Variants in CNTNAP2 observed in about 807,000 individuals in gnomAD.
CNTNAP2 encodes contactin associated protein 2.
A neutral mutation model predicts 155.2 loss-of-function variants in CNTNAP2; 98 were observed. The ratio of observed to expected loss-of-function variants is 0.63; its 90% confidence interval spans 0.54 to 0.75. CNTNAP2 has a LOEUF of 0.75. Among genes scored for constraint, CNTNAP2 ranks in the 30% least tolerant of loss-of-function variants. The probability of loss-of-function intolerance (pLI) is 0.00; values close to 1 mark genes in which losing one functional copy is unlikely to be tolerated. For missense variants in CNTNAP2, 1,727 were observed against 1,688.1 expected, an observed-to-expected ratio of 1.02 and a Z score of -0.40; for synonymous variants, 651 against 631.2, an observed-to-expected ratio of 1.03 and a Z score of -0.47.
At chr7:147,932,739 G>T (rs1478917279) in intron 14 of CNTNAP2, among the ~76,000 whole-genome samples, 1 of 152,110 alleles carries the variant, frequency 6.6e-6, no homozygotes, top group Admixed American at 6.5e-5. Flanking sequence ...AAAAACTTCT[G>T]TACAGCAAAG....
chr7:147,760,349 C>T (rs958956481), intron 13 of CNTNAP2, among the ~76,000 whole-genome samples: 1 of 152,058 alleles, frequency 6.6e-6, no homozygotes, highest in East Asian at 1.9e-4. Flanking sequence ...TCCCTTTAAA[C>T]GTCAGATTTG....
intron 1 of CNTNAP2, among the ~76,000 whole-genome samples, chr7:146,716,075 G>T (rs1801181590): frequency 6.6e-6 from 1 of 152,080 alleles, no homozygotes; most frequent in Admixed American, 6.6e-5. Context: ...CAACCAGATG[G>T]AAAGAACATG....
intron 14 of CNTNAP2, among the ~76,000 whole-genome samples, chr7:147,971,678 T>C (rs988507279): frequency 6.6e-6 from 1 of 152,238 alleles, no homozygotes; most frequent in South Asian, 2.1e-4. Context: ...ATTACCATAC[T>C]TTTATCCATT....
chr7:147,454,308 G>A (rs959953759), intron 10 of CNTNAP2, among the ~76,000 whole-genome samples: 8 of 152,122 alleles, frequency 5.3e-5, no homozygotes, highest in South Asian at 2.1e-4. Flanking sequence ...GCAATAGGAC[G>A]TCGAGTTTAA....
rs1797200018 is a variant in CNTNAP2, at chr7:146,495,444, C to T, written c.98-278827C>T. On this transcript the variant is annotated intron_variant, in intron 1 of 23. Transcript: ENST00000361727. ...CTTGCCTCTGATAATTAGTTACCCT[C>T]TGACCTTAGGTGAATCACTTTCATC... Among the ~76,000 whole-genome samples, 8 of 152,016 alleles carry T rather than the reference C, an allele frequency of 5.3e-5. No individual in the cohort carries two copies. The South Asian group carries it at 1.7e-3, about 32-fold the overall frequency.
At chr7:147,717,116 G>C (rs984426359) in intron 13 of CNTNAP2, among the ~76,000 whole-genome samples, 2 of 150,022 alleles carry the variant, frequency 1.3e-5, no homozygotes, top group Non-Finnish European at 3.0e-5. Flanking sequence ...TATTTCTAAA[G>C]AAAAAAAAAG....
chr7:147,983,150 C>T (rs1801561476), intron 15 of CNTNAP2, among the ~76,000 whole-genome samples: 1 of 151,928 alleles, frequency 6.6e-6, no homozygotes, highest in African/African-American at 2.4e-5. Flanking sequence ...GAAGATAATA[C>T]CCACGAGCAT....
chr7:146,565,008 T>C (rs1798335804), intron 1 of CNTNAP2, among the ~76,000 whole-genome samples: 1 of 152,132 alleles, frequency 6.6e-6, no homozygotes, highest in Non-Finnish European at 1.5e-5. Flanking sequence ...ATTTCTAATC[T>C]AGTGTTTCTC....
chr7:147,162,055 G>T (rs923128369), intron 8 of CNTNAP2: 1 of 152,144 alleles, frequency 6.6e-6, no homozygotes, highest in South Asian at 2.1e-4. Context: ...CATACCCAGT[G>T]TCTTGTACCC....
intron 13 of CNTNAP2, among the ~76,000 whole-genome samples, chr7:147,897,768 A>G (rs942737740): frequency 1.3e-5 from 2 of 152,190 alleles, no homozygotes; most frequent in Non-Finnish European, 2.9e-5. Context: ...CATAAATGGG[A>G]TATTTCAACG....
chr7:146,553,943 A>T (rs1798158474), intron 1 of CNTNAP2, among the ~76,000 whole-genome samples: 1 of 152,184 alleles, frequency 6.6e-6, no homozygotes, highest in Non-Finnish European at 1.5e-5. Flanking sequence ...TGACATGAAC[A>T]TTATTATTGT....
intron 15 of CNTNAP2, among the ~76,000 whole-genome samples, chr7:148,018,013 G>C (rs933168053): frequency 6.6e-6 from 1 of 152,154 alleles, no homozygotes; most frequent in East Asian, 1.9e-4. Context: ...GTTAAAACTC[G>C]CCACAAAGGC....
intron 3 of CNTNAP2, among the ~76,000 whole-genome samples, chr7:146,876,195 T>C (rs574289306): frequency 2.6e-5 from 4 of 152,122 alleles, no homozygotes; most frequent in African/African-American, 9.6e-5. Flanking sequence ...GTTCATGGGA[T>C]CGTCACCAAA....
chr7:146,137,942 C>T (rs1797821068), intron 1 of CNTNAP2, among the ~76,000 whole-genome samples: 1 of 151,820 alleles, frequency 6.6e-6, no homozygotes, highest in South Asian at 2.1e-4. Context: ...TCTTAATGAG[C>T]ACCATATTTA....
intron 1 of CNTNAP2, among the ~76,000 whole-genome samples, chr7:146,250,490 G>A (rs1029730746): frequency 6.6e-6 from 1 of 152,170 alleles, no homozygotes; most frequent in Admixed American, 6.5e-5. Flanking sequence ...GTCTATCTTG[G>A]TATGGTGGTG....
chr7:147,317,513 C>T (rs1419945269), intron 9 of CNTNAP2, among the ~76,000 whole-genome samples: 2 of 152,188 alleles, frequency 1.3e-5, no homozygotes, highest in African/African-American at 2.4e-5. Context: ...CTGCCTTTGT[C>T]ACAGGGATCC....
chr7:147,795,121 A>G (rs1483010460), intron 13 of CNTNAP2, among the ~76,000 whole-genome samples: 1 of 150,582 alleles, frequency 6.6e-6, no homozygotes, highest in Non-Finnish European at 1.5e-5. Flanking sequence ...TTTCTTCCCT[A>G]TTCTTGCCTA....
At chr7:146,673,342 T>C (rs567014538) in intron 1 of CNTNAP2, among the ~76,000 whole-genome samples, 1 of 152,220 alleles carries the variant, frequency 6.6e-6, no homozygotes, top group Non-Finnish European at 1.5e-5. Flanking sequence ...TAATATGTCA[T>C]ACATAAAGAA....
intron 2 of CNTNAP2, among the ~76,000 whole-genome samples, chr7:146,781,291 T>G (rs1802484924): frequency 6.6e-6 from 1 of 150,872 alleles, no homozygotes; most frequent in Non-Finnish European, 1.5e-5. Flanking sequence ...TAAGCCACCG[T>G]GGCACATGTG....
Sources: allele counts gnomAD v4.1 joint callset (sites outside exome capture counted in the v4.1 genomes callset), GRCh38; gene constraint gnomAD v4.1.1; transcripts MANE v1.5; gene names NCBI Gene and HGNC (gene_info 2026-07-23, HGNC 2026-07-21).